The following RNF213 variants were observed in gnomAD, a reference collection of about 807,000 sequenced individuals.
RNF213 encodes E3 ubiquitin-protein ligase RNF213.
RNF213 carries 341 observed loss-of-function variants against 514.4 expected under a neutral mutation model. The ratio of observed to expected loss-of-function variants is 0.66; its 90% CI spans 0.61 to 0.73. The LOEUF (loss-of-function observed/expected upper bound fraction) is 0.73, where lower values mean the gene tolerates loss of function less well. Ranked by LOEUF, RNF213 falls within the 30% of genes least tolerant of loss-of-function variation. The probability of loss-of-function intolerance (pLI) is 0.00; values close to 1 mark genes in which losing one functional copy is unlikely to be tolerated. For synonymous variants in RNF213, 2,655 were observed against 2,658.2 expected, an observed-to-expected ratio of 1.00 and a Z score of 0.04; for missense variants, 5,767 against 6,615.6, an observed-to-expected ratio of 0.87 and a Z score of 4.45.
In RNF213 at chr17:80,347,617, G is replaced by A; in HGVS notation, c.9282G>A (p.Met3094Ile). The change falls in exon 29 of 68, where the codon ATG (methionine) becomes ATA (isoleucine). Residue 3094 changes from methionine (M) to isoleucine (I), a missense_variant. Met to Ile is a conservative substitution (Grantham distance 10). Around this residue, in one of 13 missense-constraint regions of RNF213, gnomAD observed 919 missense variants for 1,121.0 expected, o/e 0.82. Coordinates refer to ENST00000582970, the MANE Select transcript of RNF213 (RefSeq NM_001256071.3). The surrounding 1 kb of genome is among the most constrained non-coding windows in gnomAD (Gnocchi z 7.2). ...CRNINRVKIC[M>I]ETGKMVLLLN... ...ACATCAATCGTGTGAAGATCTGCAT[G>A]GAAACAGGCAAGATGGTGTTGCTTC... The A allele has an allele frequency of 6.2e-7, 1 of 1,614,130 alleles. No homozygotes were observed. The highest frequency in any genetic ancestry group is 1.1e-5 in the South Asian group (1 of 91,082).
At chr17:80,276,081 A>T (rs767635828) in intron 3 of RNF213, among the ~76,000 whole-genome samples, 120 of 149,232 alleles carry the variant, frequency 8.0e-4, no homozygotes, top group African/African-American at 2.9e-3. Context: ...TTATTTATTT[A>T]TTTATTTTTT....
chr17:80,343,279 A>G lies in RNF213; in HGVS notation c.6137A>G (p.Gln2046Arg). Residue 2046 changes from glutamine to arginine, a missense_variant, in exon 27 of 68, where the codon CAG becomes CGG. Around this residue, in one of 13 missense-constraint regions of RNF213, gnomAD observed 1,377 missense variants for 1,635.2 expected, o/e 0.84. Transcript: ENST00000582970. The surrounding 1 kb of genome is among the most constrained non-coding windows in gnomAD (Gnocchi z 4.3). ...LGALLPFLDAQYQKVPVLFHL... is the reference protein window; with the variant it reads ...LGALLPFLDARYQKVPVLFHL... ...GCCCTGCTGCCCTTCCTGGATGCGC[A>G]GTATCAGAAGGTCCCCGTGCTCTTT... The G allele has an allele frequency of 1.2e-6, 2 of 1,613,616 alleles. No homozygotes were observed. The highest frequency in any genetic ancestry group is 8.5e-7 in the Non-Finnish European group (1 of 1,179,850).
intron 47 of RNF213, 99 bp from the exon 48 acceptor site, chr17:80,372,422 A>G (rs1265376586): frequency 1.2e-6 from 1 of 842,870 alleles, no homozygotes. Context: ...ACATTCTTCT[A>G]TCCTTCCTTC....
chr17:80,297,367 G>A (rs934274792), intron 10 of RNF213, among the ~76,000 whole-genome samples: 4 of 151,022 alleles, frequency 2.6e-5, no homozygotes, highest in African/African-American at 7.3e-5. Context: ...GGAGAATCAC[G>A]TGAACCCAGG....
chr17:80,359,229 T>C (rs993347870), intron 37 of RNF213, among the ~76,000 whole-genome samples: 3 of 151,852 alleles, frequency 2.0e-5, no homozygotes, highest in African/African-American at 7.3e-5. Flanking sequence ...TTATAAAGAA[T>C]ATAGAAATAA....
intron 3 of RNF213, among the ~76,000 whole-genome samples, chr17:80,287,604 G>A (rs370862777): frequency 3.3e-5 from 5 of 152,312 alleles, no homozygotes; most frequent in East Asian, 3.9e-4. Flanking sequence ...TGTGGCGAGC[G>A]CTTCAAGGCC....
rs1385944145 is a variant in RNF213, at chr17:80,344,914, C to G, written c.6579C>G (p.Thr2193=). 6.2e-7 allele frequency: 1 copy of G among 1,614,132 alleles called. No individual in the cohort carries two copies. Among genetic ancestry groups the G allele is most frequent in the Non-Finnish European group, 8.5e-7 (1 of 1,180,024 alleles). ...FQYQEGSVEG[T]PEECLQHFLF... ...ATCAAGAAGGCTCTGTCGAAGGCAC[C>G]CCGGAGGAATGCCTCCAGCATTTCC... is the stretch of plus-strand genomic sequence containing the variant. The change falls in exon 29 of 68, where the codon ACC becomes ACG. Residue 2193 remains threonine, a synonymous_variant. Transcript: ENST00000582970.
At chr17:80,363,383 G>T in intron 40 of RNF213, 69 bp downstream of exon 40, 1 of 1,471,696 alleles carries the variant, frequency 6.8e-7, no homozygotes, top group Non-Finnish European at 9.5e-7. Context: ...GGAATGGAGA[G>T]CTTCTGGGGC....
At chr17:80,332,752 C>A in intron 21 of RNF213, 121 bp downstream of exon 21, 1 of 1,178,170 alleles carries the variant, frequency 8.5e-7, no homozygotes, top group Non-Finnish European at 1.2e-6. Context: ...CCGTCAGGGG[C>A]TCCTGTGTGT....
chr17:80,394,770 A>G lies in RNF213; in HGVS notation c.*1272A>G, dbSNP rs1018765529. 3 of 152,170 alleles carry G rather than the reference A, an allele frequency of 2.0e-5. No individual in the cohort carries two copies. The highest frequency in any genetic ancestry group is 4.4e-5 in the Non-Finnish European group (3 of 68,038). The allele number at this position is 152,170 out of a possible 1,614,324, so 9.4% of individuals were successfully genotyped here. On this transcript the variant is annotated 3_prime_UTR_variant, in exon 68 of 68. Transcript: ENST00000582970. ...GAAGGAACTGTGCTCCGTTCTCCTC[A>G]CTGTCATGGTGCCACCAGTGTCTGA...
intron 15 of RNF213, chr17:80,315,796 G>A (rs2045913947): frequency 1.1e-4 from 5 of 44,888 alleles, no homozygotes; most frequent in African/African-American, 3.1e-4. Flanking sequence ...GGTGGTGGTG[G>A]TGGTGGAGGT....
Position 80,339,683 on chromosome 17 carries a change from C to A in RNF213, c.5316C>A (p.Phe1772Leu). Residue 1772 changes from phenylalanine (F) to leucine (L), a missense_variant, in exon 26 of 68, where the codon TTC (phenylalanine) becomes TTA (leucine). Physicochemically the swap from Phe to Leu is conservative, Grantham distance 22. Coordinates refer to ENST00000582970, the MANE Select transcript of RNF213 (RefSeq NM_001256071.3). ...EELPLMLLSEFSLVDKLRIIM... is the reference protein window; with the variant it reads ...EELPLMLLSELSLVDKLRIIM... ...TCCCGCTGATGCTCTTATCAGAGTT[C>A]AGCCTGGTGGACAAGCTGAGGATCA... is the stretch of plus-strand genomic sequence containing the variant. 1.3e-6 allele frequency: 2 copies of A among 1,537,214 alleles called. No individual in the cohort carries two copies. Among genetic ancestry groups the A allele is most frequent in the Non-Finnish European group, 1.7e-6 (2 of 1,146,892 alleles).
intron 42 of RNF213, among the ~76,000 whole-genome samples, chr17:80,366,405 C>G (rs762251572): frequency 1.3e-5 from 2 of 152,328 alleles, no homozygotes; most frequent in South Asian, 4.1e-4. Flanking sequence ...TCATGGGCAA[C>G]ACCTGTTACT....
At chr17:80,328,162 A>G (rs1204417970) in intron 19 of RNF213, among the ~76,000 whole-genome samples, 166 bp from the exon 20 acceptor site, 3 of 152,188 alleles carry the variant, frequency 2.0e-5, no homozygotes, top group Non-Finnish European at 4.4e-5. Context: ...CAAGAACATC[A>G]CGGGAAAGTG....
chr17:80,261,844 C>T (rs1328830133), intron 1 of RNF213, among the ~76,000 whole-genome samples: 1 of 152,168 alleles, frequency 6.6e-6, no homozygotes, highest in Non-Finnish European at 1.5e-5. Flanking sequence ...CATGAAACCC[C>T]GTTTCTACTA....
intron 2 of RNF213, among the ~76,000 whole-genome samples, chr17:80,269,600 CTGTT>C (rs1209845893): frequency 3.7e-5 from 5 of 134,452 alleles, no homozygotes; most frequent in Non-Finnish European, 6.8e-5. Flanking sequence ...TCCATCCTAT[CTGTT>C]TATCTATCAT....
intron 11 of RNF213, among the ~76,000 whole-genome samples, chr17:80,301,425 A>T (rs1402004356): frequency 2.0e-5 from 3 of 152,188 alleles, no homozygotes; most frequent in African/African-American, 7.2e-5. Context: ...TACACGTTGG[A>T]TAGGGGGATT....
chr17:80,320,035 C>T (rs1453417211), intron 17 of RNF213: 23 of 1,019,292 alleles, frequency 2.3e-5, no homozygotes, highest in Non-Finnish European at 2.5e-5. Flanking sequence ...AGATATTGTT[C>T]GTATGCCATA....
intron 1 of RNF213, among the ~76,000 whole-genome samples, chr17:80,261,430 C>T (rs993468714): frequency 6.6e-6 from 1 of 152,348 alleles, no homozygotes; most frequent in African/African-American, 2.4e-5. Context: ...GAGCGCGGGG[C>T]TCAAGGCCAG....
Sources: gnomAD v4.1 joint callset for allele counts (sites outside exome capture counted in the v4.1 genomes callset) on GRCh38, gnomAD v4.1.1 for gene constraint, gnomAD v4.1.1 regional missense constraint, Gnocchi (gnomAD v3.1) non-coding constraint, MANE v1.5 for transcripts, NCBI Gene and HGNC (gene_info 2026-07-23, HGNC 2026-07-21) for gene names.